The following SLC52A2 variants were observed in gnomAD, a reference collection of about 807,000 sequenced individuals.
SLC52A2 encodes the protein solute carrier family 52 member 2, also known as solute carrier family 52, riboflavin transporter, member 2.
Under a neutral mutation model 24.8 loss-of-function variants are expected in SLC52A2, and 16 were observed. The observed-to-expected ratio is 0.64, with a 90% confidence interval of 0.44 to 0.98. SLC52A2 has a LOEUF of 0.98. SLC52A2 is among the 50% of genes least tolerant of loss of function. The pLI is 0.00. For synonymous variants in SLC52A2, 335 were observed against 276.3 expected (o/e 1.21, Z -2.11); for missense variants, 612 against 575.9 (o/e 1.06, Z -0.64).
Position 144,359,764 on chromosome 8 carries a change from G to C in SLC52A2, c.272G>C (p.Gly91Ala). ...IRVVQVLGMV[G>A]TALLASLWHH... ...GTGGTGCAGGTGCTGGGCATGGTGG[G>C]CACAGCCCTGCTGGCCTCTCTGTGG... The change falls in exon 3 of 5, where the codon GGC becomes GCC. Residue 91 changes from glycine (G) to alanine (A), a missense_variant. Transcript: ENST00000643944. 2 of 1,613,588 alleles carry C rather than the reference G, an allele frequency of 1.2e-6. No individual in the cohort carries two copies. The highest frequency in any genetic ancestry group is 1.7e-6 in the Non-Finnish European group (2 of 1,180,012).
rs782276876 is a variant in SLC52A2, at chr8:144,359,345, C to G, written c.52C>G (p.Leu18Val). 6 of 1,614,016 alleles carry G rather than the reference C, an allele frequency of 3.7e-6. No individual in the cohort carries two copies. The highest frequency in any genetic ancestry group is 2.2e-5 in the South Asian group (2 of 91,084). Residue 18 changes from leucine (L) to valine (V), a missense_variant, in exon 2 of 5, where the codon CTC becomes GTC. Transcript: ENST00000643944. ...GGTGCTGACCCACCTGCTGGTGGCTCTCTTCGGCATGGGCTCCTGGGCTGC... is the reference window on the plus strand; with the variant it reads ...GGTGCTGACCCACCTGCTGGTGGCTGTCTTCGGCATGGGCTCCTGGGCTGC... ...RPVLTHLLVA[L>V]FGMGSWAAVN...
In SLC52A2 at chr8:144,360,502, G is replaced by A. The variant is rs369357625; in HGVS notation, c.1001+9G>A. The A allele has an allele frequency of 6.3e-6, 10 of 1,591,268 alleles. No individual in the cohort carries two copies. The African/African-American group carries it at 1.1e-4, about 17-fold the overall frequency. ...ATGGGTGTGCTGTGCAGGTACACAA[G>A]GACCCCCAGCCCCTGTGCGGGTGGA... On this transcript the variant is annotated intron_variant, in intron 3 of 4. Coordinates refer to ENST00000643944, the MANE Select transcript of SLC52A2 (RefSeq NM_001363118.2).
chr8:144,359,651 G>C lies in SLC52A2; in HGVS notation c.159G>C (p.Val53=), dbSNP rs782644724. The change falls in exon 3 of 5, where the codon GTG becomes GTC. Residue 53 remains valine (V), a synonymous_variant. Coordinates refer to ENST00000643944, the MANE Select transcript of SLC52A2 (RefSeq NM_001363118.2). ...EGWSLPSYVS[V]LVALGNLGLL... ...GGAGCCTCCCCTCTTACGTCTCTGT[G>C]CTTGTGGCTCTGGGGAACCTGGGTC... 11 of 1,613,778 alleles carry C rather than the reference G, an allele frequency of 6.8e-6. 1 individual carries two copies. In the South Asian group the frequency reaches 9.9e-5, roughly 14 times the overall value.
rs782138931 is a variant in SLC52A2 at position 144,359,310 on chromosome 8, C to T, written c.17C>T (p.Pro6Leu). 6.2e-7 allele frequency: 1 copy of T among 1,613,242 alleles called. No homozygotes were observed. Among genetic ancestry groups the T allele is most frequent in the South Asian group, 1.1e-5 (1 of 91,032 alleles). The change falls in exon 2 of 5, where the codon CCC becomes CTC. Residue 6 changes from proline to leucine, a missense_variant. Pro to Leu is a moderately conservative substitution (Grantham distance 98, BLOSUM62 -3). Transcript: ENST00000643944. Reference sequence around the variant, plus strand: ...TTGGGCTGAATGGCAGCACCCACGCCCGCCCGTCCGGTGCTGACCCACCTG... The same window carrying T: ...TTGGGCTGAATGGCAGCACCCACGCTCGCCCGTCCGGTGCTGACCCACCTG... MAAPT[P>L]ARPVLTHLLV...
chr8:144,360,095 T>C lies in SLC52A2; in HGVS notation c.603T>C (p.Thr201=). The C allele has an allele frequency of 1.9e-6, 3 of 1,613,002 alleles. No homozygotes were observed. The highest frequency in any genetic ancestry group is 2.5e-6 in the Non-Finnish European group (3 of 1,180,014). ...FPASTFFWAL[T]ALLVASAAAF... ...CCAGCACCTTCTTCTGGGCACTGAC[T>C]GCCCTTCTGGTCGCTTCAGCTGCTG... is the stretch of plus-strand genomic sequence containing the variant. Residue 201 remains threonine (T), a synonymous_variant, in exon 3 of 5, where the codon ACT becomes ACC. Transcript: ENST00000643944.
chr8:144,360,650 G>C lies in SLC52A2; in HGVS notation c.1062G>C (p.Met354Ile). 1 of 1,604,756 alleles carries C rather than the reference G, an allele frequency of 6.2e-7. No individual in the cohort carries two copies. The change falls in exon 4 of 5, where the codon ATG becomes ATC. Residue 354 changes from methionine to isoleucine, a missense_variant. Coordinates refer to ENST00000643944, the MANE Select transcript of SLC52A2 (RefSeq NM_001363118.2). ...GCGTGTTCTGTGGGGGCTACCTGAT[G>C]GCGCTGGCAGTCCTGAGCCCCTGCC... Reference protein sequence around the residue: ...LLGVFCGGYLMALAVLSPCPP... With the variant: ...LLGVFCGGYLIALAVLSPCPP...
Position 144,360,648 on chromosome 8 carries a change from A to T in SLC52A2, c.1060A>T (p.Met354Leu), listed in dbSNP as rs1818816834. The T allele has an allele frequency of 6.2e-7, 1 of 1,603,552 alleles. No homozygotes were observed. The highest frequency in any genetic ancestry group is 1.1e-5 in the South Asian group (1 of 91,000). Residue 354 changes from methionine (M) to leucine (L), a missense_variant, in exon 4 of 5, where the codon ATG becomes TTG. Met to Leu is a conservative substitution (Grantham distance 15). Coordinates refer to ENST00000643944, the MANE Select transcript of SLC52A2 (RefSeq NM_001363118.2). ...LLGVFCGGYL[M>L]ALAVLSPCPP... ...GGGCGTGTTCTGTGGGGGCTACCTGATGGCGCTGGCAGTCCTGAGCCCCTG... is the reference window on the plus strand; with the variant it reads ...GGGCGTGTTCTGTGGGGGCTACCTGTTGGCGCTGGCAGTCCTGAGCCCCTG...
rs782636375 is a variant in SLC52A2, at chr8:144,359,989, G to A, written c.497G>A (p.Gly166Asp). 6.2e-7 allele frequency: 1 copy of A among 1,612,892 alleles called. No homozygotes were observed. Among genetic ancestry groups the A allele is most frequent in the African/African-American group, 1.3e-5 (1 of 74,922 alleles). Residue 166 changes from glycine (G) to aspartate (D), a missense_variant, in exon 3 of 5, where the codon GGT (glycine) becomes GAT (aspartate). Transcript: ENST00000643944. The part of the protein sequence containing the change: ...LLPCVLALVQ[G>D]VGRLECPPAP... The stretch of plus-strand genomic sequence containing the variant: ...CCCTGCGTGCTGGCCCTAGTGCAGG[G>A]TGTGGGCCGCCTCGAGTGCCCGCCA...
In SLC52A2 at chr8:144,359,321, G is replaced by A. The variant is rs1818662387; in HGVS notation, c.28G>A (p.Val10Met). The change falls in exon 2 of 5, where the codon GTG (valine) becomes ATG (methionine). Residue 10 changes from valine to methionine, a missense_variant. Coordinates refer to ENST00000643944, the MANE Select transcript of SLC52A2 (RefSeq NM_001363118.2). MAAPTPARP[V>M]LTHLLVALFG... is the part of the protein sequence containing the mutation. ...GGCAGCACCCACGCCCGCCCGTCCG[G>A]TGCTGACCCACCTGCTGGTGGCTCT... 1 of 1,613,810 alleles carries A rather than the reference G, an allele frequency of 6.2e-7. No individual in the cohort carries two copies. Among genetic ancestry groups the A allele is most frequent in the Non-Finnish European group, 8.5e-7 (1 of 1,179,970 alleles).
Position 144,360,273 on chromosome 8 carries a change from A to G in SLC52A2, c.781A>G (p.Thr261Ala), listed in dbSNP as rs915304756. ...GCCACCAAGCCAGGCAGCAGGCACC[A>G]CCCCTGGTCCAGACCCTAAGGCCTA... ...QEPPSQAAGT[T>A]PGPDPKAYQL... The change falls in exon 3 of 5, where the codon ACC (threonine) becomes GCC (alanine). Residue 261 changes from threonine (T) to alanine (A), a missense_variant. Transcript: ENST00000643944. The G allele has an allele frequency of 1.9e-6, 3 of 1,611,610 alleles. No homozygotes were observed. The highest frequency in any genetic ancestry group is 1.7e-5 in the Admixed American group (1 of 60,000).
rs1275158589 is a variant in SLC52A2, at chr8:144,359,018, C to T, written c.-158C>T. ...TCGGCCTCCTCCCCTGGGGCCGCAG[C>T]GACTCGGGCCGGCTTCCTGCTTCCC... On this transcript the variant is annotated 5_prime_UTR_variant, in exon 1 of 5. Transcript: ENST00000643944. 2 of 404,536 alleles carry T rather than the reference C, an allele frequency of 4.9e-6. No homozygotes were observed. The highest frequency in any genetic ancestry group is 2.1e-5 in the African/African-American group (1 of 48,682). 25.1% of individuals were successfully genotyped at this position (404,536 alleles called of 1,614,324 possible).
In SLC52A2 at chr8:144,359,762, G is replaced by T; in HGVS notation, c.270G>T (p.Val90=). 1.2e-6 allele frequency: 2 copies of T among 1,613,668 alleles called. No homozygotes were observed. The highest frequency in any genetic ancestry group is 8.5e-7 in the Non-Finnish European group (1 of 1,180,022). The change falls in exon 3 of 5, where the codon GTG becomes GTT. Residue 90 remains valine, a synonymous_variant. Coordinates refer to ENST00000643944, the MANE Select transcript of SLC52A2 (RefSeq NM_001363118.2). ...PIRVVQVLGM[V]GTALLASLWH... ...GGGTGGTGCAGGTGCTGGGCATGGT[G>T]GGCACAGCCCTGCTGGCCTCTCTGT...
In SLC52A2 at chr8:144,359,253, T is replaced by C. The variant is rs1554853707; in HGVS notation, c.-41T>C. The C allele has an allele frequency of 6.3e-7, 1 of 1,579,432 alleles. No individual in the cohort carries two copies. The highest frequency in any genetic ancestry group is 2.2e-5 in the East Asian group (1 of 44,668). On this transcript the variant is annotated 5_prime_UTR_variant, in exon 2 of 5. Coordinates refer to ENST00000643944, the MANE Select transcript of SLC52A2 (RefSeq NM_001363118.2). ...CCCTAGGTGGGAAAAGAACTGGCTG[T>C]GACCTTTGCCCTGACCTGGAAGGGC...
chr8:144,359,377 T>G lies in SLC52A2; in HGVS notation c.84T>G (p.Asn28Lys). The G allele has an allele frequency of 6.2e-7, 1 of 1,614,010 alleles. No homozygotes were observed. The highest frequency in any genetic ancestry group is 8.5e-7 in the Non-Finnish European group (1 of 1,179,982). Residue 28 changes from asparagine (N) to lysine (K), a missense_variant, in exon 2 of 5, where the codon AAT becomes AAG. Transcript: ENST00000643944. ...GCATGGGCTCCTGGGCTGCGGTCAA[T>G]GGGATCTGGGTGGAGCTACCTGTGG... Reference protein sequence around the residue: ...LFGMGSWAAVNGIWVELPVVV... With the variant: ...LFGMGSWAAVKGIWVELPVVV...
In SLC52A2 at chr8:144,361,046, C is replaced by T. The variant is rs1474536021; in HGVS notation, c.*31C>T. On this transcript the variant is annotated 3_prime_UTR_variant, in exon 5 of 5. Transcript: ENST00000643944. ...GGCAGGTGGGGACCCCGCTCCCCAA[C>T]ACCTGTCTTTCCCTCAATGCTGCCA... is the stretch of plus-strand genomic sequence containing the variant. The T allele has an allele frequency of 6.3e-7, 1 of 1,598,794 alleles. No individual in the cohort carries two copies. The highest frequency in any genetic ancestry group is 8.6e-7 in the Non-Finnish European group (1 of 1,169,180).
intron 4 of SLC52A2, 35 bp downstream of exon 4, chr8:144,360,748 G>C: frequency 6.2e-7 from 1 of 1,604,136 alleles, no homozygotes; most frequent in Non-Finnish European, 8.5e-7. Context: ...GGGTGGGGGG[G>C]CGTTGCCCTG....
chr8:144,360,090 C>G lies in SLC52A2; in HGVS notation c.598C>G (p.Leu200Val), dbSNP rs200455766. 1.2e-6 allele frequency: 2 copies of G among 1,613,026 alleles called. No individual in the cohort carries two copies. The highest frequency in any genetic ancestry group is 1.7e-6 in the Non-Finnish European group (2 of 1,180,030). The change falls in exon 3 of 5, where the codon CTG becomes GTG. Residue 200 changes from leucine (L) to valine (V), a missense_variant. By Grantham distance (32) the Leu-to-Val change is conservative (BLOSUM62 1). Transcript: ENST00000643944. ...TCCCGCCAGCACCTTCTTCTGGGCA[C>G]TGACTGCCCTTCTGGTCGCTTCAGC... ...RFPASTFFWA[L>V]TALLVASAAA...
chr8:144,359,415 T>C lies in SLC52A2; in HGVS notation c.122T>C (p.Leu41Pro), dbSNP rs1357218551. The C allele has an allele frequency of 1.9e-6, 3 of 1,613,834 alleles. No homozygotes were observed. Among genetic ancestry groups the C allele is most frequent in the Non-Finnish European group, 2.5e-6 (3 of 1,179,944 alleles). Residue 41 changes from leucine to proline, a missense_variant, in exon 2 of 5, where the codon CTT becomes CCT. Leu to Pro is a moderately conservative substitution (Grantham distance 98). Coordinates refer to ENST00000643944, the MANE Select transcript of SLC52A2 (RefSeq NM_001363118.2). ...GAGCTACCTGTGGTGGTCAAAGAGC[T>C]TCCAGAGGGTGAGTGGGAGGGAGGT... is the stretch of plus-strand genomic sequence containing the variant. The part of the protein sequence containing the change: ...WVELPVVVKE[L>P]PEGWSLPSYV...
At position 144,358,944 on chromosome 8, in the gene SLC52A2, T is replaced by G; in HGVS notation, c.-232T>G. The G allele has an allele frequency of 3.8e-6, 1 of 262,934 alleles. No individual in the cohort carries two copies. The highest frequency in any genetic ancestry group is 8.3e-5 in the East Asian group (1 of 12,116). The allele number at this position is 262,934 out of a possible 1,614,324, so 16.3% of individuals were successfully genotyped here. Reference sequence around the variant, plus strand: ...CGTCCGGCTTGGGGTGGTGGTGGCGTTGACTCCAGCCCCGCCTCTCCCTGG... The same window carrying G: ...CGTCCGGCTTGGGGTGGTGGTGGCGGTGACTCCAGCCCCGCCTCTCCCTGG... On this transcript the variant is annotated 5_prime_UTR_variant, in exon 1 of 5. Transcript: ENST00000643944.
Sources: allele counts gnomAD v4.1 joint callset, GRCh38; gene constraint gnomAD v4.1.1; transcripts MANE v1.5; gene names NCBI Gene and HGNC (gene_info 2026-07-23, HGNC 2026-07-21).